Variants in LAMC1 observed in about 807,000 individuals in gnomAD.
LAMC1 encodes laminin subunit gamma 1.
A neutral mutation model predicts 173.6 loss-of-function variants in LAMC1; 38 were observed. The ratio of observed to expected loss-of-function variants is 0.22; its 90% CI spans 0.17 to 0.29. LAMC1 has a LOEUF of 0.29. Among genes scored for constraint, LAMC1 ranks in the 10% least tolerant of loss-of-function variants. LAMC1 has a pLI of 1.00. For synonymous variants in LAMC1, 746 were observed against 749.1 expected, an observed-to-expected ratio of 1.00 and a Z score of 0.07; for missense variants, 1,824 against 2,051.8, an observed-to-expected ratio of 0.89 and a Z score of 2.14.
chr1:183,023,902 T>G lies in LAMC1; in HGVS notation c.186T>G (p.Thr62=), dbSNP rs757338834. 6.2e-7 allele frequency: 1 copy of G among 1,613,112 alleles called. No homozygotes were observed. The highest frequency in any genetic ancestry group is 1.1e-5 in the South Asian group (1 of 91,060). ...TCGTCAACGCCGCCTTCAACGTGACTGTGGTGGCCACCAACACGTGTGGGA... is the reference window on the plus strand; with the variant it reads ...TCGTCAACGCCGCCTTCAACGTGACGGTGGTGGCCACCAACACGTGTGGGA... ...PEFVNAAFNV[T]VVATNTCGTP... The change falls in exon 1 of 28, where the codon ACT becomes ACG. Residue 62 remains threonine, a synonymous_variant. Coordinates refer to ENST00000258341, the MANE Select transcript of LAMC1 (RefSeq NM_002293.4).
chr1:183,047,301 A>G (rs1654290850), intron 1 of LAMC1, among the ~76,000 whole-genome samples: 1 of 152,206 alleles, frequency 6.6e-6, no homozygotes, highest in South Asian at 2.1e-4. Flanking sequence ...TCAAGGAAGC[A>G]TTGATAGAGG....
rs1005400106 is a variant in LAMC1, at chr1:183,070,694, A to AT, written c.419-32624dup. On this transcript the variant is annotated intron_variant, in intron 1 of 27. Transcript: ENST00000258341. Reference sequence around the variant, plus strand: ...GGAGAAAATAAACTTTAATTTAGGGATTTTTTTTTTCCTGCTTGAATTCAG... The same window carrying AT: ...GGAGAAAATAAACTTTAATTTAGGGATTTTTTTTTTTCCTGCTTGAATTCAG... 6.8e-4 allele frequency among the ~76,000 whole-genome samples: 103 copies of AT among 150,418 alleles called. 1 individual carries two copies. Among genetic ancestry groups the AT allele is most frequent in the East Asian group, 1.2e-3 (6 of 5,108 alleles).
chr1:183,114,871 A>C, intron 5 of LAMC1, 152 bp downstream of exon 5: 2 of 772,092 alleles, frequency 2.6e-6, no homozygotes, highest in Non-Finnish European at 4.0e-6. Context: ...TCTCTACCCC[A>C]TGCCTCCACC....
chr1:183,055,486 C>G (rs758046136), intron 1 of LAMC1, among the ~76,000 whole-genome samples: 4 of 150,958 alleles, frequency 2.6e-5, no homozygotes, highest in Non-Finnish European at 5.9e-5. Context: ...AAAAAAAAAC[C>G]TACTTTATAG....
chr1:183,069,396 T>C (rs1654952793), intron 1 of LAMC1, among the ~76,000 whole-genome samples: 1 of 152,196 alleles, frequency 6.6e-6, no homozygotes, highest in Non-Finnish European at 1.5e-5. Flanking sequence ...AACTTAATTA[T>C]TAAAAAAATG....
In LAMC1 at chr1:183,137,910, C is replaced by CT. The variant is rs1306592464; in HGVS notation, c.4473+89dup. 3.2e-5 allele frequency: 39 copies of CT among 1,207,886 alleles called. No homozygotes were observed. The Middle Eastern group carries it at 8.2e-4, about 25-fold the overall frequency. 74.8% of individuals were successfully genotyped at this position (1,207,886 alleles called of 1,614,324 possible). On this transcript the variant is annotated intron_variant, in intron 26 of 27. Transcript: ENST00000258341. ...AGATCCCCCACTTGTTGAGAAGAGT[C>CT]TTTTTTATATTGACTTCTGTTTTTC... is the stretch of plus-strand genomic sequence containing the variant.
intron 1 of LAMC1, among the ~76,000 whole-genome samples, chr1:183,050,891 CAAAA>C: frequency 1.8e-5 from 1 of 54,726 alleles, no homozygotes; most frequent in Non-Finnish European, 3.8e-5. Flanking sequence ...AACTCCATCT[CAAAA>C]AAAAAAAAAA....
At chr1:183,071,939 T>C (rs1216221556) in intron 1 of LAMC1, among the ~76,000 whole-genome samples, 1 of 152,222 alleles carries the variant, frequency 6.6e-6, no homozygotes, top group Non-Finnish European at 1.5e-5. Flanking sequence ...GAAACAATGA[T>C]TCTGTATTCT....
rs772412614 is a variant in LAMC1, at chr1:183,133,570, G to T, written c.3849+20G>T. ...CTGGAGGTATGGGGGCAGCCTGTAC[G>T]CACAGCCCCACCCCGTCTCTCCCCC... On this transcript the variant is annotated intron_variant, in intron 22 of 27. Transcript: ENST00000258341. The T allele has an allele frequency of 1.3e-6, 2 of 1,596,110 alleles. No homozygotes were observed. Among genetic ancestry groups the T allele is most frequent in the Non-Finnish European group, 1.7e-6 (2 of 1,168,384 alleles).
chr1:183,025,827 C>T (rs949159973), intron 1 of LAMC1, among the ~76,000 whole-genome samples: 5 of 152,174 alleles, frequency 3.3e-5, no homozygotes, highest in Non-Finnish European at 7.3e-5. Context: ...ACAACAGTCT[C>T]TTATTTACAT....
intron 18 of LAMC1, among the ~76,000 whole-genome samples, chr1:183,129,496 C>G (rs1166197955): frequency 1.3e-5 from 2 of 151,988 alleles, no homozygotes; most frequent in Non-Finnish European, 2.9e-5. Context: ...ATTTGGTAGC[C>G]AAGTTCCAAG....
intron 1 of LAMC1, among the ~76,000 whole-genome samples, chr1:183,100,145 T>C (rs1022096805): frequency 2.0e-5 from 3 of 152,178 alleles, no homozygotes; most frequent in African/African-American, 7.2e-5. Flanking sequence ...AAGTTACTAT[T>C]GAAAACGGCT....
chr1:183,122,314 G>C, intron 13 of LAMC1, 63 bp downstream of exon 13: 1 of 1,486,974 alleles, frequency 6.7e-7, no homozygotes, highest in Non-Finnish European at 9.3e-7. Context: ...AGGGGAAAGG[G>C]GCTTCGGAGT....
chr1:183,050,306 C>T (rs1654383135), intron 1 of LAMC1, among the ~76,000 whole-genome samples: 1 of 124,458 alleles, frequency 8.0e-6, no homozygotes, highest in Admixed American at 8.9e-5. Context: ...TTTTTTGAGA[C>T]AGAGTCTCAC....
chr1:183,064,931 C>T lies in LAMC1; in HGVS notation c.419-38397C>T, dbSNP rs893795846. On this transcript the variant is annotated intron_variant, in intron 1 of 27. Transcript: ENST00000258341. ...TGCAGGGTGCACTCACACACACCCA[C>T]GCTCACTCAGACTGGAACCATCTAG... is the stretch of plus-strand genomic sequence containing the variant. Among the ~76,000 whole-genome samples, 31 of 152,240 alleles carry T rather than the reference C, an allele frequency of 2.0e-4. No individual in the cohort carries two copies. The East Asian group carries it at 4.4e-3, about 22-fold the overall frequency.
chr1:183,062,935 T>TA (rs1258892659), intron 1 of LAMC1, among the ~76,000 whole-genome samples: 1 of 152,070 alleles, frequency 6.6e-6, no homozygotes, highest in Non-Finnish European at 1.5e-5. Flanking sequence ...CCTGGGCAGA[T>TA]AGAGCAAGAC....
intron 1 of LAMC1, among the ~76,000 whole-genome samples, chr1:183,079,080 CTAATTTTAGACAACTAGACAT>C (rs1461148096): frequency 1.3e-5 from 2 of 151,576 alleles, no homozygotes; most frequent in African/African-American, 4.8e-5. Flanking sequence ...AGAGAGTGCT[CTAATTTTAGACAACTAGACAT>C]TATTTTTAGA....
At chr1:183,104,427 C>A (rs964028909) in intron 2 of LAMC1, among the ~76,000 whole-genome samples, 1 of 152,222 alleles carries the variant, frequency 6.6e-6, no homozygotes, top group Non-Finnish European at 1.5e-5. Flanking sequence ...GAGCCTCATG[C>A]TGTACTCAGC....
At position 183,117,586 on chromosome 1, in the gene LAMC1, C is replaced by A; in HGVS notation, c.1740C>A (p.Ser580=). The change falls in exon 10 of 28, where the codon TCC becomes TCA. Residue 580 remains serine (S), a synonymous_variant. Coordinates refer to ENST00000258341, the MANE Select transcript of LAMC1 (RefSeq NM_002293.4). ...VLSYGQNLSF[S]FRVDRRDTRL... ...GTTATGGTCAGAACCTCTCCTTCTCCTTTCGAGTGGACAGGCGAGATACTC... is the reference window on the plus strand; with the variant it reads ...GTTATGGTCAGAACCTCTCCTTCTCATTTCGAGTGGACAGGCGAGATACTC... The A allele has an allele frequency of 6.2e-7, 1 of 1,614,208 alleles. No homozygotes were observed. The highest frequency in any genetic ancestry group is 1.1e-5 in the South Asian group (1 of 91,088).
Sources: allele counts gnomAD v4.1 joint callset (sites outside exome capture counted in the v4.1 genomes callset), GRCh38; gene constraint gnomAD v4.1.1; transcripts MANE v1.5; gene names NCBI Gene and HGNC (gene_info 2026-07-23, HGNC 2026-07-21).